The following NLGN1 variants were observed in gnomAD, a reference collection of about 807,000 sequenced individuals.
NLGN1 encodes neuroligin 1.
In NLGN1, 12 loss-of-function variants were observed where a neutral mutation model predicts 65.5. That is an observed-to-expected ratio of 0.18 (90% CI 0.12 to 0.30). NLGN1 has a LOEUF of 0.30. Ranked by LOEUF, NLGN1 falls within the 10% of genes least tolerant of loss-of-function variation. The probability of loss-of-function intolerance (pLI) is 1.00; values close to 1 mark genes in which losing one functional copy is unlikely to be tolerated. For missense variants in NLGN1, 750 were observed against 1,007.1 expected (o/e 0.74, Z 3.46); for synonymous variants, 350 against 359.5 (o/e 0.97, Z 0.30).
At chr3:173,993,684 A>ATAGG (rs1457366527) in intron 4 of NLGN1, among the ~76,000 whole-genome samples, 1 of 151,692 alleles carries the variant, frequency 6.6e-6, no homozygotes, top group Non-Finnish European at 1.5e-5. Flanking sequence ...AGATAGATAG[A>ATAGG]TAGATAGATA....
At chr3:173,699,941 A>C (rs974998981) in intron 3 of NLGN1, among the ~76,000 whole-genome samples, 2 of 152,232 alleles carry the variant, frequency 1.3e-5, no homozygotes, top group African/African-American at 4.8e-5. Flanking sequence ...TATTTAGTGC[A>C]CTGGAGCATA....
At chr3:173,687,545 AAAAAT>A (rs1764856041) in intron 3 of NLGN1, among the ~76,000 whole-genome samples, 1 of 152,212 alleles carries the variant, frequency 6.6e-6, no homozygotes, top group Non-Finnish European at 1.5e-5. Flanking sequence ...TACAATTGTG[AAAAAT>A]AAAATAAAAA....
At chr3:173,690,369 C>A (rs543085520) in intron 3 of NLGN1, among the ~76,000 whole-genome samples, 6 of 152,168 alleles carry the variant, frequency 3.9e-5, no homozygotes, top group African/African-American at 1.4e-4. Context: ...AATTTTTATT[C>A]CTGCCTAGAC....
rs569263182 is a variant in NLGN1, at chr3:173,498,890, T to G, written c.-321+63812T>G. On this transcript the variant is annotated intron_variant, in intron 2 of 6. Transcript: ENST00000457714. The stretch of plus-strand genomic sequence containing the variant: ...TCTGTTCATATCCTTCGCCCACTTT[T>G]TGATGGGGTTGTTTGTTTTTTTCTT... Among the ~76,000 whole-genome samples the G allele has an allele frequency of 4.2e-3, 631 of 151,908 alleles. 7 individuals are homozygous for G. Among genetic ancestry groups the G allele is most frequent in the Non-Finnish European group, 6.6e-3 (450 of 68,022 alleles).
At chr3:173,574,629 C>T (rs993659891) in intron 2 of NLGN1, among the ~76,000 whole-genome samples, 6 of 152,038 alleles carry the variant, frequency 3.9e-5, no homozygotes, top group African/African-American at 1.4e-4. Flanking sequence ...ACTTAATGGA[C>T]AAGCCCAATT....
At chr3:173,939,513 C>T (rs1745625936) in intron 4 of NLGN1, among the ~76,000 whole-genome samples, 1 of 152,030 alleles carries the variant, frequency 6.6e-6, no homozygotes, top group Non-Finnish European at 1.5e-5. Flanking sequence ...ATAAAAAAGG[C>T]ACATAATGAT....
chr3:174,267,652 A>G (rs936000257), intron 4 of NLGN1, among the ~76,000 whole-genome samples: 1 of 152,082 alleles, frequency 6.6e-6, no homozygotes, highest in Non-Finnish European at 1.5e-5. Flanking sequence ...AATGCTACCC[A>G]CACTGCATCT....
intron 4 of NLGN1, among the ~76,000 whole-genome samples, chr3:174,232,201 GGTT>G (rs1361528654): frequency 1.3e-5 from 2 of 152,128 alleles, no homozygotes; most frequent in African/African-American, 4.8e-5. Context: ...GTCAAAGGGG[GGTT>G]GTTCTCTGGC....
chr3:174,280,658 G>C lies in NLGN1; in HGVS notation c.1827G>C (p.Leu609Phe), dbSNP rs1301368528. The change falls in exon 7 of 7, where the codon TTG (leucine) becomes TTC (phenylalanine). Residue 609 changes from leucine (L) to phenylalanine (F), a missense_variant. Coordinates refer to ENST00000457714, the Ensembl canonical transcript of NLGN1. This position sits in a 1 kb window ranked among gnomAD's most constrained non-coding sequence, Gnocchi z 4.9. ...ATAAGGTGAACCTCTGGTTGGAGTT[G>C]GTACCTCATCTGCATAATCTCAATG... 6.2e-7 allele frequency: 1 copy of C among 1,613,226 alleles called. No individual in the cohort carries two copies. Among genetic ancestry groups the C allele is most frequent in the Non-Finnish European group, 8.5e-7 (1 of 1,179,494 alleles).
intron 4 of NLGN1, among the ~76,000 whole-genome samples, chr3:174,194,319 G>T (rs1196250878): frequency 1.3e-5 from 2 of 151,812 alleles, no homozygotes; most frequent in African/African-American, 4.8e-5. Flanking sequence ...GGGCGTGGTG[G>T]TGCACCTGTA....
intron 4 of NLGN1, among the ~76,000 whole-genome samples, chr3:174,067,734 G>A (rs1343230503): frequency 6.6e-6 from 1 of 152,074 alleles, no homozygotes; most frequent in Non-Finnish European, 1.5e-5. Flanking sequence ...AGGGCCCCCT[G>A]ATGACTAAAC....
rs1193893646 is a variant in NLGN1 at position 173,696,274 on chromosome 3, CTT to C, written c.493+91186_493+91187del. ...AAGGTTTAAATACTGACAACATTCT[CTT>C]TTGATTTTTATTTCTGCTTGTCTTG... On this transcript the variant is annotated intron_variant, in intron 3 of 6. Coordinates refer to ENST00000457714, the Ensembl canonical transcript of NLGN1. Among the ~76,000 whole-genome samples, 5 of 152,276 alleles carry C rather than the reference CTT, an allele frequency of 3.3e-5. No individual in the cohort carries two copies. The East Asian group carries it at 9.6e-4, about 29-fold the overall frequency.
At chr3:173,498,086 G>T (rs981329649) in intron 2 of NLGN1, among the ~76,000 whole-genome samples, 2 of 151,470 alleles carry the variant, frequency 1.3e-5, no homozygotes, top group African/African-American at 4.9e-5. Flanking sequence ...TAAGTTTTAG[G>T]GTACATGTGC....
intron 4 of NLGN1, among the ~76,000 whole-genome samples, chr3:174,263,628 T>C: frequency 6.6e-6 from 1 of 152,084 alleles, no homozygotes; most frequent in Non-Finnish European, 1.5e-5. Context: ...GGGTCTTGAC[T>C]CTTTATCCAA....
At chr3:173,684,695 GT>G (rs988842651) in intron 3 of NLGN1, among the ~76,000 whole-genome samples, 1 of 152,094 alleles carries the variant, frequency 6.6e-6, no homozygotes, top group Non-Finnish European at 1.5e-5. Flanking sequence ...CACTTTTTTT[GT>G]TTGTGTTCAA....
chr3:173,474,016 T>C (rs1725762779), intron 2 of NLGN1, among the ~76,000 whole-genome samples: 1 of 152,160 alleles, frequency 6.6e-6, no homozygotes, highest in Non-Finnish European at 1.5e-5. Flanking sequence ...AACCCAGGGC[T>C]AGAAAGAAAA....
intron 4 of NLGN1, among the ~76,000 whole-genome samples, chr3:173,947,130 C>T (rs1226252471): frequency 6.9e-6 from 1 of 145,248 alleles, no homozygotes; most frequent in Non-Finnish European, 1.5e-5. Context: ...GGCGTGATCT[C>T]GGCTCACCGC....
At chr3:174,263,983 C>CT (rs950832448) in intron 4 of NLGN1, among the ~76,000 whole-genome samples, 3 of 148,726 alleles carry the variant, frequency 2.0e-5, no homozygotes, top group Non-Finnish European at 3.0e-5. Context: ...GTTGAAAAGT[C>CT]TTTTTTTTAA....
chr3:173,453,391 T>G (rs1721969958), intron 2 of NLGN1, among the ~76,000 whole-genome samples: 2 of 151,986 alleles, frequency 1.3e-5, no homozygotes, highest in Admixed American at 6.6e-5. Context: ...AGTTTTTTTT[T>G]TTTTAAATAA....
Sources: gnomAD v4.1 joint callset for allele counts (sites outside exome capture counted in the v4.1 genomes callset) on GRCh38, gnomAD v4.1.1 for gene constraint, Gnocchi (gnomAD v3.1) non-coding constraint, MANE v1.5 for transcripts, NCBI Gene and HGNC (gene_info 2026-07-23, HGNC 2026-07-21) for gene names.